The following QKI variants were observed in gnomAD, a reference collection of about 807,000 sequenced individuals.
The protein encoded by QKI is QKI, KH domain containing RNA binding.
A neutral mutation model predicts 39.0 loss-of-function variants in QKI; 10 were observed. The ratio of observed to expected loss-of-function variants is 0.26; its 90% CI spans 0.16 to 0.43. The LOEUF (loss-of-function observed/expected upper bound fraction) is 0.43, where lower values mean the gene tolerates loss of function less well. QKI is among the 20% of genes least tolerant of loss of function. The pLI is 1.00. For missense variants in QKI, 218 were observed against 428.0 expected, an observed-to-expected ratio of 0.51 and a Z score of 4.33; for synonymous variants, 204 against 155.4, an observed-to-expected ratio of 1.31 and a Z score of -2.33.
rs1233607651 is a variant in QKI at position 163,518,992 on chromosome 6, A to G, written c.403-15990A>G. 3.3e-5 allele frequency among the ~76,000 whole-genome samples: 5 copies of G among 152,302 alleles called. No individual in the cohort carries two copies. The East Asian group carries it at 7.7e-4, about 23-fold the overall frequency. On this transcript the variant is annotated intron_variant, in intron 3 of 7. Transcript: ENST00000361752. ...ACACCTTGTATGGCTACATGAATTT[A>G]TTTATAGTCTTTTCTTTTTAGAGTA... is the stretch of plus-strand genomic sequence containing the variant.
chr6:163,563,261 G>A (rs760656384), intron 5 of QKI, among the ~76,000 whole-genome samples, 159 bp from the exon 6 acceptor site: 2 of 152,140 alleles, frequency 1.3e-5, no homozygotes, highest in Non-Finnish European at 2.9e-5. Context: ...TTTGATTGGT[G>A]TGCTTTTGCA....
At chr6:163,485,056 T>C (rs1046342570) in intron 3 of QKI, among the ~76,000 whole-genome samples, 2 of 152,240 alleles carry the variant, frequency 1.3e-5, no homozygotes, top group African/African-American at 4.8e-5. Context: ...AGACCAAATA[T>C]ATTTATTTCA....
In QKI at chr6:163,566,738, G is replaced by C; in HGVS notation, c.952G>C (p.Val318Leu). 1 of 1,613,738 alleles carries C rather than the reference G, an allele frequency of 6.2e-7. No individual in the cohort carries two copies. Among genetic ancestry groups the C allele is most frequent in the Non-Finnish European group, 8.5e-7 (1 of 1,179,832 alleles). ...TTAACTAGGTGCGGTGGCTACTAAA[G>C]TTCGAAGGCACGATATGCGTGTCCA... The part of the protein sequence containing the change: ...SGVLGAVATK[V>L]RRHDMRVHPY... Residue 318 changes from valine to leucine, a missense_variant, in exon 7 of 8, where the codon GTT (valine) becomes CTT (leucine). Val to Leu is a conservative substitution (Grantham distance 32). Transcript: ENST00000361752.
At chr6:163,555,852 G>T (rs1294143694) in intron 4 of QKI, among the ~76,000 whole-genome samples, 1 of 152,008 alleles carries the variant, frequency 6.6e-6, no homozygotes. Context: ...AAAGTATATA[G>T]ATCTAAAAAT....
At chr6:163,564,007 T>G in intron 6 of QKI, 1 of 1,227,220 alleles carries the variant, frequency 8.1e-7, no homozygotes, top group Non-Finnish European at 1.0e-6. Flanking sequence ...ACTGAGGTCA[T>G]TCTGAGTTTT....
intron 1 of QKI, among the ~76,000 whole-genome samples, chr6:163,448,457 G>A (rs1427020212): frequency 6.6e-6 from 1 of 151,984 alleles, no homozygotes; most frequent in Non-Finnish European, 1.5e-5. Context: ...GCTAGGCGCA[G>A]TGGCTCACGC....
chr6:163,528,956 C>G (rs1238682746), intron 3 of QKI, among the ~76,000 whole-genome samples: 1 of 152,094 alleles, frequency 6.6e-6, no homozygotes, highest in Non-Finnish European at 1.5e-5. Context: ...TGAGATAGAA[C>G]TTTAGTCTTG....
intron 3 of QKI, among the ~76,000 whole-genome samples, chr6:163,500,173 A>G (rs981158226): frequency 7.2e-5 from 11 of 152,196 alleles, no homozygotes; most frequent in East Asian, 1.9e-4. Flanking sequence ...ATGCTTCTCT[A>G]TAGGCTTGGT....
rs201641555 is a variant in QKI at position 163,510,864 on chromosome 6, T to G, written c.403-24118T>G. Among the ~76,000 whole-genome samples the G allele has an allele frequency of 3.3e-4, 19 of 56,886 alleles. No homozygotes were observed. In the Admixed American group the frequency reaches 5.3e-3, roughly 16 times the overall value. 37.3% of individuals were successfully genotyped at this position (56,886 alleles called of 152,430 possible). A position where few individuals can be genotyped will look rare whatever the true frequency, so the allele number is the denominator to read the frequency against. On this transcript the variant is annotated intron_variant, in intron 3 of 7. Transcript: ENST00000361752. ...TCAGATTGAGATTTTAATGTAACTCTTTCAGCAACTAATAAAAAAAAATTA... is the reference window on the plus strand; with the variant it reads ...TCAGATTGAGATTTTAATGTAACTCGTTCAGCAACTAATAAAAAAAAATTA...
At chr6:163,446,593 C>T (rs1583003043) in intron 1 of QKI, among the ~76,000 whole-genome samples, 2 of 152,094 alleles carry the variant, frequency 1.3e-5, no homozygotes, top group South Asian at 2.1e-4. Flanking sequence ...GGACTGGCTT[C>T]CCCTGAGTAT....
At chr6:163,431,811 A>C (rs529918504) in intron 1 of QKI, among the ~76,000 whole-genome samples, 194 of 134,026 alleles carry the variant, frequency 1.4e-3, no homozygotes, top group African/African-American at 1.3e-3. Flanking sequence ...AAAAAAAAAA[A>C]AACAAAAAAC....
At chr6:163,481,337 T>TGG (rs962818018) in intron 3 of QKI, among the ~76,000 whole-genome samples, 1 of 152,052 alleles carries the variant, frequency 6.6e-6, no homozygotes, top group African/African-American at 2.4e-5. Context: ...AATGCTACGA[T>TGG]GGGAATGGTG....
intron 3 of QKI, among the ~76,000 whole-genome samples, chr6:163,494,137 G>A (rs1778245766): frequency 6.6e-6 from 1 of 151,396 alleles, no homozygotes; most frequent in Non-Finnish European, 1.5e-5. Flanking sequence ...ATATTCGGGA[G>A]GAAAAATAAT....
chr6:163,446,683 G>A (rs569246999), intron 1 of QKI, among the ~76,000 whole-genome samples: 11 of 152,218 alleles, frequency 7.2e-5, no homozygotes, highest in African/African-American at 2.6e-4. Flanking sequence ...AAAGTAAACA[G>A]GTTTAAAAGT....
At chr6:163,418,016 A>T (rs1787674484) in intron 1 of QKI, among the ~76,000 whole-genome samples, 1 of 150,926 alleles carries the variant, frequency 6.6e-6, no homozygotes, top group African/African-American at 2.4e-5. Flanking sequence ...GAAATTTGGC[A>T]TCTTGTGCTT....
At chr6:163,415,559 G>C (rs1787383609) in intron 1 of QKI, among the ~76,000 whole-genome samples, 1 of 151,532 alleles carries the variant, frequency 6.6e-6, no homozygotes. Flanking sequence ...GCCCGGCCGG[G>C]ACCCCGCGCC....
chr6:163,540,780 T>C lies in QKI; in HGVS notation c.546+5655T>C, dbSNP rs1198862354. Among the ~76,000 whole-genome samples, 5 of 152,204 alleles carry C rather than the reference T, an allele frequency of 3.3e-5. No individual in the cohort carries two copies. The South Asian group carries it at 1.0e-3, about 32-fold the overall frequency. On this transcript the variant is annotated intron_variant, in intron 4 of 7. Coordinates refer to ENST00000361752, the MANE Select transcript of QKI (RefSeq NM_006775.3). ...ATCAGTTTACTTTATTCCTTTTTGT[T>C]TCCTGGTGACAAAACATGAAATAAC...
intron 2 of QKI, 36 bp from the exon 3 acceptor site, chr6:163,478,744 G>C (rs771095750): frequency 7.2e-7 from 1 of 1,382,168 alleles, no homozygotes; most frequent in Non-Finnish European, 1.0e-6. Context: ...TCCAGCAAGT[G>C]AATAATGTAT....
At chr6:163,480,075 C>A (rs1240774870) in intron 3 of QKI, among the ~76,000 whole-genome samples, 1 of 152,086 alleles carries the variant, frequency 6.6e-6, no homozygotes, top group Non-Finnish European at 1.5e-5. Context: ...ACCCAACTAT[C>A]TAAATATTAT....
Sources: allele counts gnomAD v4.1 joint callset (sites outside exome capture counted in the v4.1 genomes callset), GRCh38; gene constraint gnomAD v4.1.1; transcripts MANE v1.5; gene names NCBI Gene and HGNC (gene_info 2026-07-23, HGNC 2026-07-21).